Variants in FANCC observed in about 807,000 individuals in gnomAD.
The protein encoded by FANCC is Fanconi anemia group C protein.
FANCC carries 55 observed loss-of-function variants against 71.3 expected under a neutral mutation model. The observed-to-expected ratio is 0.77, with a 90% CI of 0.62 to 0.97. The LOEUF (loss-of-function observed/expected upper bound fraction) is 0.97. Among genes scored for constraint, FANCC ranks in the 50% least tolerant of loss-of-function variants. FANCC has a pLI of 0.00. For missense variants in FANCC, 678 were observed against 670.9 expected, an observed-to-expected ratio of 1.01 and a Z score of -0.12; for synonymous variants, 275 against 244.9, an observed-to-expected ratio of 1.12 and a Z score of -1.15.
chr9:95,198,408 C>T (rs1827587507), intron 4 of FANCC, among the ~76,000 whole-genome samples: 1 of 152,158 alleles, frequency 6.6e-6, no homozygotes, highest in Non-Finnish European at 1.5e-5. Context: ...TCTTTTAGAG[C>T]CTAAAGCTGT....
intron 4 of FANCC, among the ~76,000 whole-genome samples, chr9:95,176,899 A>G (rs545770759): frequency 9.9e-5 from 15 of 152,238 alleles, no homozygotes; most frequent in African/African-American, 3.6e-4. Flanking sequence ...AAGCACTCAC[A>G]CCCTGGGCCT....
rs1834034662 is a variant in FANCC at position 95,291,962 on chromosome 9, AAAAAAATATAT to A, written c.-79+25553_-79+25563del. The stretch of plus-strand genomic sequence containing the variant: ...GACTCTGTCTCAAAAAAAAAAAAAA[AAAAAAATATAT>A]ATATATATATATATATATATTAAGA... On this transcript the variant is annotated intron_variant, in intron 1 of 14. Coordinates refer to ENST00000289081, the MANE Select transcript of FANCC (RefSeq NM_000136.3). Among the ~76,000 whole-genome samples the A allele has an allele frequency of 3.7e-5, 4 of 108,754 alleles. No individual in the cohort carries two copies. The South Asian group carries it at 1.3e-3, about 35-fold the overall frequency. The allele number at this position is 108,754 out of a possible 152,430, so 71.3% of individuals were successfully genotyped here.
At chr9:95,166,449 C>T (rs964485118) in intron 6 of FANCC, among the ~76,000 whole-genome samples, 7 of 152,060 alleles carry the variant, frequency 4.6e-5, no homozygotes, top group African/African-American at 1.4e-4. Flanking sequence ...AACAACCTAA[C>T]GAGATAACTT....
intron 10 of FANCC, among the ~76,000 whole-genome samples, chr9:95,118,294 T>C (rs965621054): frequency 1.3e-5 from 2 of 152,240 alleles, no homozygotes; most frequent in African/African-American, 4.8e-5. Context: ...GCTGGGGTTA[T>C]AGTCATGAGC....
At chr9:95,246,958 C>CAATG (rs769815782) in intron 3 of FANCC, among the ~76,000 whole-genome samples, 1 of 152,102 alleles carries the variant, frequency 6.6e-6, no homozygotes. Context: ...TCAAAGCAGC[C>CAATG]AATGTCAAAG....
intron 1 of FANCC, among the ~76,000 whole-genome samples, chr9:95,302,266 G>GAAA (rs1453519485): frequency 6.6e-6 from 1 of 152,168 alleles, no homozygotes; most frequent in African/African-American, 2.4e-5. Flanking sequence ...AACCCTAGTT[G>GAAA]CATTCTGGTA....
intron 3 of FANCC, among the ~76,000 whole-genome samples, chr9:95,242,612 T>C (rs1830703744): frequency 6.6e-6 from 1 of 152,086 alleles, no homozygotes; most frequent in Non-Finnish European, 1.5e-5. Context: ...AAAAGGTATA[T>C]TATTTTTTAT....
At chr9:95,104,386 CTGTG>C (rs1454399242) in intron 14 of FANCC, among the ~76,000 whole-genome samples, 1 of 152,200 alleles carries the variant, frequency 6.6e-6, no homozygotes, top group Non-Finnish European at 1.5e-5. Context: ...TGGGCTTCTG[CTGTG>C]TGTGTCTTCT....
At chr9:95,227,513 G>A (rs1472270549) in intron 4 of FANCC, among the ~76,000 whole-genome samples, 1 of 152,188 alleles carries the variant, frequency 6.6e-6, no homozygotes, top group Non-Finnish European at 1.5e-5. Context: ...ACTGACAGAA[G>A]TGTTATTAGT....
chr9:95,130,554 T>C (rs1826740562), intron 8 of FANCC, among the ~76,000 whole-genome samples: 2 of 152,242 alleles, frequency 1.3e-5, no homozygotes, highest in African/African-American at 4.8e-5. Flanking sequence ...AAGCCTGGAA[T>C]AGATTCTTTC....
chr9:95,238,692 A>C (rs1830461400), intron 4 of FANCC, among the ~76,000 whole-genome samples: 1 of 151,708 alleles, frequency 6.6e-6, no homozygotes. Context: ...CAGCCTCCCT[A>C]GTAGCTGAGA....
chr9:95,236,040 G>C lies in FANCC; in HGVS notation c.345+4609C>G, dbSNP rs1588329587. On this transcript the variant is annotated intron_variant, in intron 4 of 14. Transcript: ENST00000289081. Reference sequence around the variant, plus strand: ...TATAAGTTTTTTCTTTTTGAAAAAAGAAGAAAGTAGAGGACAGACGCTATC... The same window carrying C: ...TATAAGTTTTTTCTTTTTGAAAAAACAAGAAAGTAGAGGACAGACGCTATC... Among the ~76,000 whole-genome samples the C allele has an allele frequency of 3.3e-5, 5 of 152,088 alleles. No individual in the cohort carries two copies. The South Asian group carries it at 1.0e-3, about 32-fold the overall frequency.
intron 4 of FANCC, among the ~76,000 whole-genome samples, chr9:95,235,870 A>AG (rs1717381930): frequency 6.8e-6 from 1 of 147,778 alleles, no homozygotes; most frequent in African/African-American, 2.5e-5. Flanking sequence ...AAAAAAAAAA[A>AG]GCAACAAGGG....
At chr9:95,273,957 T>C (rs887502867) in intron 1 of FANCC, among the ~76,000 whole-genome samples, 1 of 152,238 alleles carries the variant, frequency 6.6e-6, no homozygotes, top group Non-Finnish European at 1.5e-5. Flanking sequence ...AGAAAGATTG[T>C]ATCACTTTAG....
At chr9:95,260,685 A>T (rs771690596) in intron 1 of FANCC, among the ~76,000 whole-genome samples, 1 of 54,000 alleles carries the variant, frequency 1.9e-5, no homozygotes, top group Non-Finnish European at 3.7e-5. Flanking sequence ...AACTTAAAAT[A>T]TAAAAAAAAA....
At chr9:95,197,112 C>T (rs1827502999) in intron 4 of FANCC, among the ~76,000 whole-genome samples, 1 of 152,160 alleles carries the variant, frequency 6.6e-6, no homozygotes, top group African/African-American at 2.4e-5. Flanking sequence ...ATCCTGAGTA[C>T]CTGATGAAAG....
intron 1 of FANCC, among the ~76,000 whole-genome samples, chr9:95,280,036 T>G (rs578037028): frequency 6.6e-6 from 1 of 150,808 alleles, no homozygotes; most frequent in East Asian, 1.9e-4. Flanking sequence ...ATGCTGTCTA[T>G]AGAAGACACA....
chr9:95,234,001 T>G (rs1432332125), intron 4 of FANCC, among the ~76,000 whole-genome samples: 1 of 152,162 alleles, frequency 6.6e-6, no homozygotes, highest in East Asian at 1.9e-4. Context: ...ATGGTCTCCA[T>G]GTGACCAGTA....
intron 6 of FANCC, among the ~76,000 whole-genome samples, chr9:95,165,892 T>C (rs1332817769): frequency 6.6e-6 from 1 of 152,088 alleles, no homozygotes; most frequent in Admixed American, 6.5e-5. Context: ...TCTATTATTA[T>C]TGTGTTACTG....
Sources: allele counts gnomAD v4.1 joint callset (sites outside exome capture counted in the v4.1 genomes callset), GRCh38; gene constraint gnomAD v4.1.1; transcripts MANE v1.5; gene names NCBI Gene and HGNC (gene_info 2026-07-23, HGNC 2026-07-21).